Variants in ZZEF1 observed in about 807,000 individuals in gnomAD.
ZZEF1 encodes zinc finger ZZ-type and EF-hand domain-containing protein 1.
A neutral mutation model predicts 342.8 loss-of-function variants in ZZEF1; 157 were observed. The ratio of observed to expected loss-of-function variants is 0.46; its 90% CI spans 0.40 to 0.52. The LOEUF (loss-of-function observed/expected upper bound fraction) is 0.52. Ranked by LOEUF, ZZEF1 falls within the 20% of genes least tolerant of loss-of-function variation. ZZEF1 has a pLI of 0.00. For missense variants in ZZEF1, 3,480 were observed against 3,725.6 expected, an observed-to-expected ratio of 0.93 and a Z score of 1.72; for synonymous variants, 1,505 against 1,429.1, an observed-to-expected ratio of 1.05 and a Z score of -1.20.
intron 6 of ZZEF1, among the ~76,000 whole-genome samples, chr17:4,106,884 C>G (rs1282293167): frequency 6.6e-6 from 1 of 152,188 alleles, no homozygotes; most frequent in East Asian, 1.9e-4. Context: ...ATGAAAATCC[C>G]TGAAACAATT....
At position 4,024,963 on chromosome 17, in the gene ZZEF1, A is replaced by T; in HGVS notation, c.7048T>A (p.Trp2350Arg). The T allele has an allele frequency of 6.2e-7, 1 of 1,614,176 alleles. No individual in the cohort carries two copies. Among genetic ancestry groups the T allele is most frequent in the Non-Finnish European group, 8.5e-7 (1 of 1,180,028 alleles). The stretch of plus-strand genomic sequence containing the variant: ...CCTTTCAGGGCCAGGGACAGGACCC[A>T]AGTTGCTTCTACTGCCTCGGGACAA... ...SHCPEAVEAT[W>R]VLSLALKGLY... The change falls in exon 43 of 55, where the codon TGG (tryptophan) becomes AGG (arginine). Residue 2350 changes from tryptophan to arginine, a missense_variant. Trp to Arg is a moderately radical substitution (Grantham distance 101). This residue lies in a region of ZZEF1 where 1,269 missense variants were observed against 1,342.4 expected (regional missense o/e 0.95). Coordinates refer to ENST00000381638, the MANE Select transcript of ZZEF1 (RefSeq NM_015113.4).
At chr17:4,021,046 T>C in intron 45 of ZZEF1, 83 bp downstream of exon 45, 1 of 1,431,196 alleles carries the variant, frequency 7.0e-7, no homozygotes, top group Non-Finnish European at 9.4e-7. Context: ...CATTTTCATG[T>C]TTAGGCTAAA....
intron 1 of ZZEF1, among the ~76,000 whole-genome samples, chr17:4,135,399 C>T (rs1478828915): frequency 6.6e-6 from 1 of 152,004 alleles, no homozygotes; most frequent in Non-Finnish European, 1.5e-5. Context: ...TTCCTTGAAC[C>T]TGGGAGGCAA....
At chr17:4,070,974 T>C (rs891059244) in intron 25 of ZZEF1, 50 bp from the exon 26 acceptor site, 14 of 1,582,780 alleles carry the variant, frequency 8.8e-6, no homozygotes, top group Middle Eastern at 1.7e-4. Flanking sequence ...ATTCAAAAAA[T>C]AAAATTTATT....
intron 19 of ZZEF1, 140 bp downstream of exon 19, chr17:4,077,743 T>C (rs2057649982): frequency 2.2e-6 from 2 of 897,116 alleles, no homozygotes; most frequent in Non-Finnish European, 3.3e-6. Flanking sequence ...CTATTTTAAT[T>C]AGACCAAACC....
intron 52 of ZZEF1, among the ~76,000 whole-genome samples, chr17:4,013,088 CAAAA>C (rs200757795): frequency 6.7e-5 from 5 of 75,188 alleles, no homozygotes; most frequent in African/African-American, 2.4e-4. Context: ...GACTCTGTCT[CAAAA>C]AAAAAAAAAA....
chr17:4,132,184 A>G (rs1003881702), intron 1 of ZZEF1, among the ~76,000 whole-genome samples: 1 of 146,804 alleles, frequency 6.8e-6, no homozygotes, highest in African/African-American at 2.5e-5. Flanking sequence ...TGATAAAAAT[A>G]AAAGCCTAAA....
chr17:4,009,893 T>A, intron 52 of ZZEF1, 136 bp from the exon 53 acceptor site: 2 of 1,009,506 alleles, frequency 2.0e-6, no homozygotes, highest in Non-Finnish European at 2.8e-6. Context: ...TCGCCTCACC[T>A]ATGCTCCCCA....
chr17:4,067,130 AT>A (rs1567810520), intron 27 of ZZEF1, 32 bp downstream of exon 27: 1 of 1,582,984 alleles, frequency 6.3e-7, no homozygotes, highest in East Asian at 2.2e-5. Flanking sequence ...AAAACCTAAA[AT>A]ATAGCAAAAT....
At position 4,095,897 on chromosome 17, in the gene ZZEF1, T is replaced by C; in HGVS notation, c.1847A>G (p.His616Arg). Residue 616 changes from histidine (H) to arginine (R), a missense_variant, in exon 11 of 55, where the codon CAC becomes CGC. Around this residue, in one of 5 missense-constraint regions of ZZEF1, gnomAD observed 1,528 missense variants for 1,624.1 expected, o/e 0.94. Coordinates refer to ENST00000381638, the MANE Select transcript of ZZEF1 (RefSeq NM_015113.4). ...GTCATATTTTTCAAACCTTTTGAAG[T>C]GTTCTTCCGCACAAAATTTATCTGA... ...SSSDKFCAEE[H>R]FKRFEKYDKW... The C allele has an allele frequency of 1.2e-6, 2 of 1,613,928 alleles. No homozygotes were observed. Among genetic ancestry groups the C allele is most frequent in the Non-Finnish European group, 1.7e-6 (2 of 1,179,854 alleles).
At chr17:4,015,511 T>C (rs1161896679) in intron 49 of ZZEF1, among the ~76,000 whole-genome samples, 1 of 152,212 alleles carries the variant, frequency 6.6e-6, no homozygotes, top group African/African-American at 2.4e-5. Context: ...ACGCCTGTAA[T>C]CCCAGCACTC....
intron 26 of ZZEF1, among the ~76,000 whole-genome samples, chr17:4,068,676 A>G (rs980091232): frequency 6.6e-6 from 1 of 152,198 alleles, no homozygotes; most frequent in East Asian, 1.9e-4. Flanking sequence ...GAACAGCATG[A>G]AGCTCTCTTT....
At chr17:4,056,453 A>T in intron 32 of ZZEF1, 108 bp from the exon 33 acceptor site, 1 of 1,192,010 alleles carries the variant, frequency 8.4e-7, no homozygotes. Flanking sequence ...GCATTTTTCA[A>T]CTTCTGAGAG....
chr17:4,060,728 G>C (rs1477268477), intron 30 of ZZEF1, among the ~76,000 whole-genome samples: 1 of 150,364 alleles, frequency 6.7e-6, no homozygotes, highest in Non-Finnish European at 1.5e-5. Context: ...GAGAAACTTA[G>C]GTATCTTGAG....
chr17:4,100,884 C>T (rs2058116373), intron 9 of ZZEF1, among the ~76,000 whole-genome samples: 1 of 152,084 alleles, frequency 6.6e-6, no homozygotes, highest in African/African-American at 2.4e-5. Flanking sequence ...TCACATGCTC[C>T]AGGAACAAAA....
chr17:4,138,004 A>C (rs981871657), intron 1 of ZZEF1, among the ~76,000 whole-genome samples: 8 of 151,930 alleles, frequency 5.3e-5, no homozygotes, highest in African/African-American at 1.7e-4. Flanking sequence ...GGGGGAAGAT[A>C]AATTAGGTAA....
Position 4,056,329 on chromosome 17 carries a change from C to G in ZZEF1, c.5182G>C (p.Asp1728His). Reference sequence around the variant, plus strand: ...TTCTGCTTGGCATCAGCAAGCTCATCTTCTTCACTCCATTGGCTGAAAGAA... The same window carrying G: ...TTCTGCTTGGCATCAGCAAGCTCATGTTCTTCACTCCATTGGCTGAAAGAA... ...DSVISQWSEE[D>H]ELADAKQNSE... The change falls in exon 33 of 55, where the codon GAT becomes CAT. Residue 1728 changes from aspartate to histidine, a missense_variant. By Grantham distance (81) the Asp-to-His change is moderately conservative. Around this residue, in one of 5 missense-constraint regions of ZZEF1, gnomAD observed 175 missense variants for 254.6 expected, o/e 0.69. Coordinates refer to ENST00000381638, the MANE Select transcript of ZZEF1 (RefSeq NM_015113.4). The G allele has an allele frequency of 5.6e-6, 9 of 1,596,558 alleles. No individual in the cohort carries two copies. Among genetic ancestry groups the G allele is most frequent in the Non-Finnish European group, 7.7e-6 (9 of 1,171,578 alleles).
At chr17:4,092,933 C>T (rs555462623) in intron 11 of ZZEF1, among the ~76,000 whole-genome samples, 3 of 149,608 alleles carry the variant, frequency 2.0e-5, no homozygotes, top group Non-Finnish European at 4.4e-5. Context: ...TGCTGACTGA[C>T]GAACGCCTGA....
At chr17:4,033,193 C>T (rs2056587188) in intron 40 of ZZEF1, 191 bp from the exon 41 acceptor site, 2 of 558,756 alleles carry the variant, frequency 3.6e-6, no homozygotes, top group Non-Finnish European at 6.2e-6. Context: ...TTGTTACTTA[C>T]ATACTCACCC....
Sources: gnomAD v4.1 joint callset for allele counts (sites outside exome capture counted in the v4.1 genomes callset) on GRCh38, gnomAD v4.1.1 for gene constraint, gnomAD v4.1.1 regional missense constraint, MANE v1.5 for transcripts, NCBI Gene and HGNC (gene_info 2026-07-23, HGNC 2026-07-21) for gene names.